Variants in CBLC observed in about 807,000 individuals in gnomAD.
The protein encoded by CBLC is E3 ubiquitin-protein ligase CBL-C.
Under a neutral mutation model 58.6 loss-of-function variants are expected in CBLC, and 46 were observed. The ratio of observed to expected loss-of-function variants is 0.79; its 90% CI spans 0.62 to 1.00. The LOEUF is 1.00. Among genes scored for constraint, CBLC ranks in the 50% least tolerant of loss-of-function variants. The pLI is 0.00. For synonymous variants in CBLC, 271 were observed against 264.2 expected, an observed-to-expected ratio of 1.03 and a Z score of -0.25; for missense variants, 655 against 625.8, an observed-to-expected ratio of 1.05 and a Z score of -0.50.
chr19:44,781,713 G>GA (rs1967747104), intron 3 of CBLC, among the ~76,000 whole-genome samples: 2 of 137,438 alleles, frequency 1.5e-5, no homozygotes, highest in African/African-American at 2.8e-5. Flanking sequence ...AGGAGGGCCT[G>GA]GGGCCTGGAC....
At chr19:44,788,556 T>C (rs2122462542) in intron 5 of CBLC, among the ~76,000 whole-genome samples, 1 of 150,258 alleles carries the variant, frequency 6.7e-6, no homozygotes, top group South Asian at 2.1e-4. Context: ...ATCCATTCAC[T>C]ACAATCTCTG....
At chr19:44,795,688 T>G (rs2376552) in intron 9 of CBLC, among the ~76,000 whole-genome samples, 2,668 of 152,088 alleles carry the variant, frequency 0.018, 87 homozygotes, top group African/African-American at 0.058. Context: ...GGCCCTGCTC[T>G]GCTGTATGTT....
At chr19:44,798,091 G>A (rs1295525333) in intron 9 of CBLC, among the ~76,000 whole-genome samples, 2 of 152,092 alleles carry the variant, frequency 1.3e-5, no homozygotes, top group African/African-American at 2.4e-5. Flanking sequence ...CACTGCCATT[G>A]AGCTGGATCT....
At chr19:44,796,328 C>T (rs543378964) in intron 9 of CBLC, among the ~76,000 whole-genome samples, 90 of 152,286 alleles carry the variant, frequency 5.9e-4, no homozygotes, top group African/African-American at 2.1e-3. Flanking sequence ...GAGAAGTCAG[C>T]GTTGGAGTCT....
At chr19:44,790,192 T>A in intron 6 of CBLC, 101 bp downstream of exon 6, 1 of 866,688 alleles carries the variant, frequency 1.2e-6, no homozygotes, top group South Asian at 1.4e-5. Context: ...GCTTGGTGGC[T>A]CTGTGACCTT....
chr19:44,800,372 C>G lies in CBLC; in HGVS notation c.1363-9C>G. 1 of 1,601,978 alleles carries G rather than the reference C, an allele frequency of 6.2e-7. No individual in the cohort carries two copies. Among genetic ancestry groups the G allele is most frequent in the Non-Finnish European group, 8.6e-7 (1 of 1,169,046 alleles). On this transcript the variant is annotated splice_polypyrimidine_tract_variant and intron_variant, in intron 9 of 10. Transcript: ENST00000647358. Reference sequence around the variant, plus strand: ...AATCAACCGCCCTCTCAAAATATCTCCATTGCAGAGACTCCTAAAGGGGAA... The same window carrying G: ...AATCAACCGCCCTCTCAAAATATCTGCATTGCAGAGACTCCTAAAGGGGAA...
intron 9 of CBLC, among the ~76,000 whole-genome samples, chr19:44,794,713 T>A (rs936972295): frequency 5.3e-5 from 8 of 151,928 alleles, no homozygotes; most frequent in Non-Finnish European, 1.0e-4. Context: ...TCTGCCCCCC[T>A]CAGCCTCCCA....
chr19:44,786,388 G>A (rs951985397), intron 5 of CBLC, among the ~76,000 whole-genome samples: 5 of 151,326 alleles, frequency 3.3e-5, no homozygotes, highest in African/African-American at 7.3e-5. Context: ...TCAGGAGATC[G>A]AGACCATCCT....
At chr19:44,787,404 A>G (rs1006983803) in intron 5 of CBLC, among the ~76,000 whole-genome samples, 1 of 151,878 alleles carries the variant, frequency 6.6e-6, no homozygotes, top group Non-Finnish European at 1.5e-5. Context: ...AAAAAATAAA[A>G]ATAAAAATAA....
At chr19:44,782,115 G>C (rs561726027) in intron 3 of CBLC, among the ~76,000 whole-genome samples, 1 of 142,248 alleles carries the variant, frequency 7.0e-6, no homozygotes, top group Non-Finnish European at 1.5e-5. Context: ...GGAGGAGGGG[G>C]TGAGGGCCTG....
At chr19:44,787,462 G>A (rs1213532112) in intron 5 of CBLC, among the ~76,000 whole-genome samples, 3 of 151,942 alleles carry the variant, frequency 2.0e-5, no homozygotes, top group African/African-American at 7.2e-5. Flanking sequence ...TTTATGCACA[G>A]AGGAGGACGC....
Position 44,778,211 on chromosome 19 carries a change from G to C in CBLC, c.280G>C (p.Val94Leu). 4 of 1,485,990 alleles carry C rather than the reference G, an allele frequency of 2.7e-6. No homozygotes were observed. The highest frequency in any genetic ancestry group is 3.6e-6 in the Non-Finnish European group (4 of 1,119,272). The allele number at this position is 1,485,990 out of a possible 1,614,324, so 92.1% of individuals were successfully genotyped here. The change falls in exon 1 of 11, where the codon GTG becomes CTG. Residue 94 changes from valine to leucine, a missense_variant. By Grantham distance (32) the Val-to-Leu change is conservative (BLOSUM62 1). Around this residue, in one of 3 missense-constraint regions of CBLC, gnomAD observed 280 missense variants for 237.2 expected, o/e 1.18. Coordinates refer to ENST00000647358, the MANE Select transcript of CBLC (RefSeq NM_012116.4). Reference protein sequence around the residue: ...LANLEAKSRQVAALLPPRGRR... With the variant: ...LANLEAKSRQLAALLPPRGRR... The stretch of plus-strand genomic sequence containing the variant: ...CAATCTGGAGGCCAAGAGCAGGCAG[G>C]TGGCCGCGCTGCTGCCTCCCCGGGG...
intron 1 of CBLC, among the ~76,000 whole-genome samples, chr19:44,780,469 AT>A (rs1196086433): frequency 0.013 from 1,459 of 112,402 alleles, 10 homozygotes; most frequent in African/African-American, 0.025. Context: ...ATCGTTTTTA[AT>A]TTTTTTTTTT....
In CBLC at chr19:44,784,365, T is replaced by C; in HGVS notation, c.881T>C (p.Leu294Pro). 1 of 1,599,492 alleles carries C rather than the reference T, an allele frequency of 6.3e-7. No individual in the cohort carries two copies. Among genetic ancestry groups the C allele is most frequent in the Non-Finnish European group, 8.6e-7 (1 of 1,168,402 alleles). The change falls in exon 5 of 11, where the codon CTG (leucine) becomes CCG (proline). Residue 294 changes from leucine to proline, a missense_variant. By Grantham distance (98) the Leu-to-Pro change is moderately conservative. Coordinates refer to ENST00000647358, the MANE Select transcript of CBLC (RefSeq NM_012116.4). ...CAGACCATCCCTGCCAACAAACCCC[T>C]GTCCCAGGTGCTCCTGGAGGGACAG... Reference protein sequence around the residue: ...ILQTIPANKPLSQVLLEGQKD... With the variant: ...ILQTIPANKPPSQVLLEGQKD...
At chr19:44,798,844 C>T (rs1968231229) in intron 9 of CBLC, among the ~76,000 whole-genome samples, 1 of 152,148 alleles carries the variant, frequency 6.6e-6, no homozygotes, top group Admixed American at 6.6e-5. Flanking sequence ...GGATCTGACT[C>T]TTCCCCACCT....
chr19:44,797,448 A>G (rs1048092697), intron 9 of CBLC, among the ~76,000 whole-genome samples: 1 of 151,790 alleles, frequency 6.6e-6, no homozygotes, highest in South Asian at 2.1e-4. Context: ...ACAGGGTTTC[A>G]TCATGTTGGC....
At chr19:44,789,717 C>T (rs1212167468) in intron 5 of CBLC, among the ~76,000 whole-genome samples, 1 of 152,150 alleles carries the variant, frequency 6.6e-6, no homozygotes, top group Non-Finnish European at 1.5e-5. Flanking sequence ...ATATCGTTTT[C>T]TGGTTCTTAG....
chr19:44,793,618 C>T lies in CBLC; in HGVS notation c.1282C>T (p.Gln428Ter). Residue 428 changes from glutamine to a stop codon, truncating the protein, a stop_gained and splice_region_variant, in exon 8 of 11, where the codon CAG becomes TAG. Transcript: ENST00000647358. LOFTEE classifies it high-confidence loss of function. Reference sequence around the variant, plus strand: ...GGAAGGCAGGGAGTTGGAGCTGGGGCAGGTGAGCAGGGCCAGCCGGGAGCT... The same window carrying T: ...GGAAGGCAGGGAGTTGGAGCTGGGGTAGGTGAGCAGGGCCAGCCGGGAGCT... ...DQEGRELELG[Q>*]VPLSAPPLPP... is the part of the protein sequence containing the mutation. The T allele has an allele frequency of 5.0e-6, 8 of 1,596,916 alleles. No individual in the cohort carries two copies. Among genetic ancestry groups the T allele is most frequent in the Non-Finnish European group, 6.8e-6 (8 of 1,173,890 alleles).
At chr19:44,792,721 C>T (rs956191695) in intron 7 of CBLC, among the ~76,000 whole-genome samples, 6 of 152,188 alleles carry the variant, frequency 3.9e-5, no homozygotes, top group Non-Finnish European at 8.8e-5. Flanking sequence ...TCTGTTTCTC[C>T]CTCTCCGGCA....
Sources: allele counts gnomAD v4.1 joint callset (sites outside exome capture counted in the v4.1 genomes callset), GRCh38; gene constraint gnomAD v4.1.1; regional missense constraint gnomAD v4.1.1; transcripts MANE v1.5; gene names NCBI Gene and HGNC (gene_info 2026-07-23, HGNC 2026-07-21).